Variants in GPC1 observed in about 807,000 individuals in gnomAD.
GPC1 encodes the protein glypican-1.
GPC1 carries 26 observed loss-of-function variants against 51.5 expected under a neutral mutation model. The observed-to-expected ratio is 0.50, with a 90% confidence interval of 0.37 to 0.70. GPC1 has a LOEUF of 0.70. GPC1 is among the 30% of genes least tolerant of loss of function. GPC1 has a pLI of 0.00. For missense variants in GPC1, 775 were observed against 800.5 expected, an observed-to-expected ratio of 0.97 and a Z score of 0.38; for synonymous variants, 380 against 348.3, an observed-to-expected ratio of 1.09 and a Z score of -1.01.
intron 1 of GPC1, among the ~76,000 whole-genome samples, chr2:240,442,987 G>A (rs369910595): frequency 3.3e-5 from 5 of 152,250 alleles, no homozygotes; most frequent in African/African-American, 7.2e-5. Flanking sequence ...AGGCCTCAGC[G>A]TCAGGCCCTG....
At chr2:240,457,329 CA>C in intron 1 of GPC1, 4 of 440,064 alleles carry the variant, frequency 9.1e-6, no homozygotes, top group South Asian at 6.3e-5. Context: ...ACAGAGGCTA[CA>C]GGGGCCAAGC....
chr2:240,444,118 G>A lies in GPC1; in HGVS notation c.166+8034G>A, dbSNP rs549869998. 9.0e-4 allele frequency among the ~76,000 whole-genome samples: 137 copies of A among 152,302 alleles called. No homozygotes were observed. In the South Asian group the frequency reaches 0.02, roughly 22 times the overall value. On this transcript the variant is annotated intron_variant, in intron 1 of 8. Transcript: ENST00000264039. ...CACGGCCCGGCTTCTTTGCAGCTCC[G>A]TGTCGGGGCCATGTGAGGACACACA... is the stretch of plus-strand genomic sequence containing the variant.
At chr2:240,455,956 C>A in intron 1 of GPC1, 1 of 411,376 alleles carries the variant, frequency 2.4e-6, no homozygotes, top group Non-Finnish European at 4.9e-6. Context: ...CCCGAGGCTC[C>A]CAGGCCTTCG....
chr2:240,451,421 A>C (rs372461242), intron 1 of GPC1: 4 of 369,470 alleles, frequency 1.1e-5, no homozygotes, highest in South Asian at 2.1e-5. Flanking sequence ...GGGAAGCTAG[A>C]TGGGAGAGCT....
chr2:240,456,467 G>A (rs572875550), intron 1 of GPC1: 1 of 394,028 alleles, frequency 2.5e-6, no homozygotes, highest in South Asian at 1.9e-5. Context: ...GGCCCAGCCA[G>A]CCTGGCCTGG....
chr2:240,441,154 C>T (rs1162037711), intron 1 of GPC1, among the ~76,000 whole-genome samples: 1 of 152,262 alleles, frequency 6.6e-6, no homozygotes, highest in African/African-American at 2.4e-5. Context: ...GGACGCCTCC[C>T]TACAGCAGGA....
At chr2:240,455,897 G>A (rs1012165269) in intron 1 of GPC1, 10 of 309,932 alleles carry the variant, frequency 3.2e-5, no homozygotes, top group Admixed American at 9.9e-5. Flanking sequence ...TTTGACTGCC[G>A]TGCGTCCAGC....
chr2:240,465,242 C>T (rs778393107), intron 7 of GPC1, 32 bp downstream of exon 7: 1 of 1,577,082 alleles, frequency 6.3e-7, no homozygotes, highest in East Asian at 2.2e-5. Context: ...ACAGCCCTCC[C>T]TCCCATGCCG....
chr2:240,453,310 T>G (rs1293084638), intron 1 of GPC1, among the ~76,000 whole-genome samples: 34 of 1,372 alleles, frequency 0.025, 5 homozygotes, highest in Non-Finnish European at 0.045. Flanking sequence ...CCCGCCCCGC[T>G]CCCACCGCCC....
intron 1 of GPC1, among the ~76,000 whole-genome samples, chr2:240,457,686 G>A (rs1332451793): frequency 6.6e-6 from 1 of 152,144 alleles, no homozygotes; most frequent in African/African-American, 2.4e-5. Flanking sequence ...CTCGAGCCAG[G>A]TGCCTCTGCC....
intron 1 of GPC1, among the ~76,000 whole-genome samples, chr2:240,442,173 T>C (rs10211085): frequency 0.47 from 70,181 of 150,640 alleles, 17,384 homozygotes; most frequent in Non-Finnish European, 0.55. Context: ...TCCTCCGGCC[T>C]TTCCCCACAG....
intron 4 of GPC1, chr2:240,463,821 C>T (rs1254265710): frequency 7.2e-6 from 3 of 417,952 alleles, no homozygotes; most frequent in Non-Finnish European, 1.3e-5. Flanking sequence ...TCATCGAGGA[C>T]CGGCACTTGT....
chr2:240,453,881 C>T (rs1468465418), intron 1 of GPC1, among the ~76,000 whole-genome samples: 1 of 152,176 alleles, frequency 6.6e-6, no homozygotes, highest in Non-Finnish European at 1.5e-5. Context: ...CGGTTTCACG[C>T]CTGTCGCCCT....
intron 1 of GPC1, chr2:240,456,594 T>A (rs766013227): frequency 8.5e-6 from 4 of 470,412 alleles, no homozygotes; most frequent in African/African-American, 8.0e-5. Flanking sequence ...CCCAGCCCAT[T>A]ACCATCATGT....
chr2:240,459,211 C>T (rs531495966), intron 2 of GPC1, 23 bp downstream of exon 2: 114 of 1,604,434 alleles, frequency 7.1e-5, no homozygotes, highest in Non-Finnish European at 9.4e-5. Context: ...CACGGGCGCT[C>T]GGGGCCCGCA....
At chr2:240,455,988 C>A in intron 1 of GPC1, 3 of 427,064 alleles carry the variant, frequency 7.0e-6, no homozygotes, top group South Asian at 1.7e-5. Context: ...TCCAGCCTGC[C>A]GGGGGCTCCC....
At position 240,462,470 on chromosome 2, in the gene GPC1, T is replaced by A. The variant is rs1450488798; in HGVS notation, c.605T>A (p.Phe202Tyr). 6.2e-7 allele frequency: 1 copy of A among 1,604,186 alleles called. No individual in the cohort carries two copies. The highest frequency in any genetic ancestry group is 1.7e-5 in the Admixed American group (1 of 59,614). The change falls in exon 3 of 9, where the codon TTC (phenylalanine) becomes TAC (tyrosine). Residue 202 changes from phenylalanine to tyrosine, a missense_variant. By Grantham distance (22) the Phe-to-Tyr change is conservative (BLOSUM62 3). Coordinates refer to ENST00000264039, the MANE Select transcript of GPC1 (RefSeq NM_002081.3). Reference protein sequence around the residue: ...LGKQAEALRPFGEAPRELRLR... With the variant: ...LGKQAEALRPYGEAPRELRLR... ...AAGCAGGCCGAGGCGCTGCGGCCCT[T>A]CGGGGAGGCCCCGAGAGAGCTGCGC...
chr2:240,459,097 C>T lies in GPC1; in HGVS notation c.234C>T (p.Ala78=), dbSNP rs145187710. Residue 78 remains alanine (A), a synonymous_variant, in exon 2 of 9, where the codon GCC becomes GCT. Coordinates refer to ENST00000264039, the MANE Select transcript of GPC1 (RefSeq NM_002081.3). ...CCAGCGAGATGGAGGAGAACCTGGC[C>T]AACCGCAGCCATGCCGAGCTGGAGA... ...CCTSEMEENL[A]NRSHAELETA... is the part of the protein sequence containing the mutation. 6.2e-6 allele frequency: 10 copies of T among 1,612,828 alleles called. No homozygotes were observed. In the Admixed American group the frequency reaches 1.5e-4, roughly 24 times the overall value.
chr2:240,445,893 A>C (rs1385385662), intron 1 of GPC1, among the ~76,000 whole-genome samples: 2 of 152,218 alleles, frequency 1.3e-5, no homozygotes, highest in Non-Finnish European at 2.9e-5. Flanking sequence ...GGCTCCTGTG[A>C]AACGGCTTCC....
Sources: allele counts gnomAD v4.1 joint callset (sites outside exome capture counted in the v4.1 genomes callset), GRCh38; gene constraint gnomAD v4.1.1; transcripts MANE v1.5; gene names NCBI Gene and HGNC (gene_info 2026-07-23, HGNC 2026-07-21).